FMN2: variants seen among roughly 807,000 people sequenced by gnomAD.
FMN2 encodes formin-2.
FMN2 carries 51 observed loss-of-function variants against 142.3 expected under a neutral mutation model. The ratio of observed to expected loss-of-function variants is 0.36; its 90% CI spans 0.29 to 0.45. The LOEUF is 0.45. Ranked by LOEUF, FMN2 falls within the 20% of genes least tolerant of loss-of-function variation. FMN2 has a pLI of 1.00. For missense variants in FMN2, 1,936 were observed against 2,122.8 expected (o/e 0.91, Z 1.73); for synonymous variants, 882 against 869.8 (o/e 1.01, Z -0.25).
At chr1:240,438,297 A>G in intron 16 of FMN2, 87 bp downstream of exon 16, 1 of 1,420,048 alleles carries the variant, frequency 7.0e-7, no homozygotes, top group Non-Finnish European at 9.5e-7. Context: ...TCGTAGCCTG[A>G]AGAAAAAATT....
At position 240,389,854 on chromosome 1, in the gene FMN2, G is replaced by A. The variant is rs529453272; in HGVS notation, c.4859-2657G>A. Reference sequence around the variant, plus strand: ...ACCCTGTAATCCCAGCTACTTGGAAGGCTGAAGCAGGAGGATGACAGGAGG... The same window carrying A: ...ACCCTGTAATCCCAGCTACTTGGAAAGCTGAAGCAGGAGGATGACAGGAGG... On this transcript the variant is annotated intron_variant, in intron 14 of 17. Transcript: ENST00000319653. Among the ~76,000 whole-genome samples the A allele has an allele frequency of 2.6e-5, 4 of 152,268 alleles. No individual in the cohort carries two copies. The South Asian group carries it at 8.3e-4, about 32-fold the overall frequency.
intron 3 of FMN2, among the ~76,000 whole-genome samples, chr1:240,178,444 CTTCT>C (rs1229796595): frequency 7.3e-6 from 1 of 136,128 alleles, no homozygotes; most frequent in Non-Finnish European, 1.6e-5. Context: ...TCTTCTTCTT[CTTCT>C]TTTTTTTTTT....
At chr1:240,169,827 G>A (rs1044741166) in intron 2 of FMN2, among the ~76,000 whole-genome samples, 1 of 152,112 alleles carries the variant, frequency 6.6e-6, no homozygotes, top group Non-Finnish European at 1.5e-5. Context: ...TGCATACTTC[G>A]AGGCAATTTT....
chr1:240,181,618 T>C (rs1445917879), intron 3 of FMN2, among the ~76,000 whole-genome samples: 2 of 152,130 alleles, frequency 1.3e-5, no homozygotes, highest in Non-Finnish European at 2.9e-5. Flanking sequence ...GTTGGCATTG[T>C]CTCCACAGAT....
At chr1:240,338,081 A>G (rs746145825) in intron 13 of FMN2, among the ~76,000 whole-genome samples, 6 of 152,244 alleles carry the variant, frequency 3.9e-5, no homozygotes, top group Non-Finnish European at 5.9e-5. Context: ...TGCACGGAGC[A>G]TTGAGTAATT....
intron 4 of FMN2, among the ~76,000 whole-genome samples, chr1:240,202,484 CTTT>C (rs1666162535): frequency 6.6e-6 from 1 of 152,008 alleles, no homozygotes; most frequent in Non-Finnish European, 1.5e-5. Flanking sequence ...GGATCATTTT[CTTT>C]TTATTACTAT....
intron 7 of FMN2, chr1:240,285,358 G>C: frequency 4.4e-6 from 2 of 451,448 alleles, no homozygotes; most frequent in Non-Finnish European, 8.9e-6. Context: ...AACATGTATA[G>C]AGTGTGCTGT....
intron 6 of FMN2, chr1:240,245,228 A>T (rs1668038374): frequency 3.7e-6 from 1 of 266,966 alleles, no homozygotes; most frequent in African/African-American, 2.3e-5. Flanking sequence ...AAAATAGAAG[A>T]GAAATACATT....
At chr1:240,369,425 A>G (rs746965884) in intron 14 of FMN2, among the ~76,000 whole-genome samples, 1 of 151,984 alleles carries the variant, frequency 6.6e-6, no homozygotes, top group Non-Finnish European at 1.5e-5. Context: ...TTATGTATTC[A>G]TTTTTGGTTT....
chr1:240,461,101 C>T (rs1048120265), intron 16 of FMN2, among the ~76,000 whole-genome samples: 1 of 152,176 alleles, frequency 6.6e-6, no homozygotes, highest in Non-Finnish European at 1.5e-5. Flanking sequence ...GCCTGCCTTC[C>T]TTCTTGCATC....
At chr1:240,255,870 AATGTG>A (rs1180702127) in intron 6 of FMN2, among the ~76,000 whole-genome samples, 6 of 152,164 alleles carry the variant, frequency 3.9e-5, no homozygotes, top group Admixed American at 6.5e-5. Flanking sequence ...TATAGGTTAT[AATGTG>A]ATGAGAATAG....
intron 14 of FMN2, among the ~76,000 whole-genome samples, chr1:240,365,255 A>G (rs985978273): frequency 2.6e-5 from 3 of 115,644 alleles, no homozygotes; most frequent in Admixed American, 8.3e-5. Flanking sequence ...ACATACATAC[A>G]TACGTGTGCA....
chr1:240,148,353 CAGAG>C (rs112012554), intron 2 of FMN2, among the ~76,000 whole-genome samples: 4 of 110,678 alleles, frequency 3.6e-5, no homozygotes, highest in South Asian at 2.9e-4. Flanking sequence ...GAGAGAAAGA[CAGAG>C]AGACAGAGAC....
chr1:240,207,741 C>T lies in FMN2; in HGVS notation c.2929C>T (p.Pro977Ser), dbSNP rs1308897617. Reference sequence around the variant, plus strand: ...CCCTCTTCCCGGAGCAGGAATACCTCCTCCACCCCCTCTACCCGGAGCGGG... The same window carrying T: ...CCCTCTTCCCGGAGCAGGAATACCTTCTCCACCCCCTCTACCCGGAGCGGG... ...PPPLPGAGIP[P>S]PPPLPGAGIP... Residue 977 changes from proline (P) to serine (S), a missense_variant, in exon 5 of 18, where the codon CCT becomes TCT. This residue lies in a region of FMN2 where 63 missense variants were observed against 86.3 expected (regional missense o/e 0.73). Coordinates refer to ENST00000319653, the MANE Select transcript of FMN2 (RefSeq NM_020066.5). 3 of 1,504,362 alleles carry T rather than the reference C, an allele frequency of 2.0e-6. No individual in the cohort carries two copies. The highest frequency in any genetic ancestry group is 2.7e-6 in the Non-Finnish European group (3 of 1,098,750). The allele number at this position is 1,504,362 out of a possible 1,614,324, so 93.2% of individuals were successfully genotyped here.
intron 16 of FMN2, among the ~76,000 whole-genome samples, chr1:240,454,282 CT>C (rs148556856): frequency 0.072 from 10,936 of 152,212 alleles, 435 homozygotes; most frequent in Middle Eastern, 0.11. Flanking sequence ...TGGCTCATGC[CT>C]TTAATCCCAG....
At chr1:240,273,204 G>A (rs150113072) in intron 7 of FMN2, among the ~76,000 whole-genome samples, 2 of 152,106 alleles carry the variant, frequency 1.3e-5, no homozygotes, top group African/African-American at 4.8e-5. Flanking sequence ...GCAAGATTCC[G>A]ATTAATGCTA....
At chr1:240,304,246 C>T (rs1670299351) in intron 8 of FMN2, among the ~76,000 whole-genome samples, 1 of 152,082 alleles carries the variant, frequency 6.6e-6, no homozygotes, top group Non-Finnish European at 1.5e-5. Context: ...TTGTGATTTT[C>T]TTTCTTTTTT....
chr1:240,315,488 T>C (rs1670750305), intron 8 of FMN2, among the ~76,000 whole-genome samples: 1 of 152,230 alleles, frequency 6.6e-6, no homozygotes, highest in Non-Finnish European at 1.5e-5. Context: ...CATGTTTTTC[T>C]TCACTGAACT....
chr1:240,166,199 C>T (rs931314927), intron 2 of FMN2, among the ~76,000 whole-genome samples: 23 of 149,996 alleles, frequency 1.5e-4, no homozygotes, highest in Middle Eastern at 3.5e-3. Flanking sequence ...TATAATTATA[C>T]GTTATGTAGC....
Sources: gnomAD v4.1 joint callset for allele counts (sites outside exome capture counted in the v4.1 genomes callset) on GRCh38, gnomAD v4.1.1 for gene constraint, gnomAD v4.1.1 regional missense constraint, MANE v1.5 for transcripts, NCBI Gene and HGNC (gene_info 2026-07-23, HGNC 2026-07-21) for gene names.